The following ZDHHC19 variants were observed in gnomAD, a reference collection of about 807,000 sequenced individuals.
ZDHHC19 encodes zDHHC palmitoyltransferase 19.
A neutral mutation model predicts 33.9 loss-of-function variants in ZDHHC19; 30 were observed. The ratio of observed to expected loss-of-function variants is 0.88; its 90% CI spans 0.66 to 1.20. The LOEUF (loss-of-function observed/expected upper bound fraction) is 1.20, where lower values mean the gene tolerates loss of function less well. Among genes scored for constraint, ZDHHC19 ranks in the 50% most tolerant of loss-of-function variants. ZDHHC19 has a pLI of 0.00. For missense variants in ZDHHC19, 364 were observed against 401.1 expected, an observed-to-expected ratio of 0.91 and a Z score of 0.79; for synonymous variants, 178 against 167.6, an observed-to-expected ratio of 1.06 and a Z score of -0.48.
chr3:196,206,871 T>C (rs1722776440), intron 5 of ZDHHC19, among the ~76,000 whole-genome samples: 1 of 151,992 alleles, frequency 6.6e-6, no homozygotes, highest in Non-Finnish European at 1.5e-5. Context: ...GTTAGAATTG[T>C]TTCCTCTCCA....
In ZDHHC19 at chr3:196,200,502, T is replaced by A. The variant is rs375716559; in HGVS notation, c.688-1628A>T. Among the ~76,000 whole-genome samples, 33 of 148,632 alleles carry A rather than the reference T, an allele frequency of 2.2e-4. No homozygotes were observed. In the South Asian group the frequency reaches 6.6e-3, roughly 30 times the overall value. On this transcript the variant is annotated intron_variant, in intron 5 of 7. Coordinates refer to ENST00000296326, the MANE Select transcript of ZDHHC19 (RefSeq NM_001039617.2). ...CCCAAGTAGCTGGGATTACAGGTGCTCGCCACCACGCCCAGCTAATTTTTT... is the reference window on the plus strand; with the variant it reads ...CCCAAGTAGCTGGGATTACAGGTGCACGCCACCACGCCCAGCTAATTTTTT...
intron 4 of ZDHHC19, among the ~76,000 whole-genome samples, 188 bp downstream of exon 4, chr3:196,208,200 G>T (rs866350103): frequency 1.3e-5 from 2 of 151,962 alleles, no homozygotes; most frequent in South Asian, 2.1e-4. Flanking sequence ...CGCCGGCCCG[G>T]GGGAGGCTTA....
chr3:196,198,166 T>C (rs942418218), intron 7 of ZDHHC19, 110 bp downstream of exon 7: 1 of 1,123,308 alleles, frequency 8.9e-7, no homozygotes, highest in Admixed American at 3.6e-5. Context: ...CTCGGAGCGC[T>C]CCAGCTTCAG....
rs4311243 is a variant in ZDHHC19 at position 196,203,129 on chromosome 3, C to T, written c.688-4255G>A. On this transcript the variant is annotated intron_variant, in intron 5 of 7. Coordinates refer to ENST00000296326, the MANE Select transcript of ZDHHC19 (RefSeq NM_001039617.2). This position sits in a 1 kb window ranked among gnomAD's most constrained non-coding sequence, Gnocchi z 4.3. ...ACAAAAAATCAGGTGGGCATGGTGA[C>T]GTGCACCTGTAATTCCAGCTACTCG... 4.6e-5 allele frequency among the ~76,000 whole-genome samples: 7 copies of T among 151,956 alleles called. No homozygotes were observed. Among genetic ancestry groups the T allele is most frequent in the Admixed American group, 3.3e-4 (5 of 15,242 alleles).
rs758044372 is a variant in ZDHHC19 at position 196,198,498 on chromosome 3, C to T, written c.774-47G>A. ...GCAGGGGCCACCGTCCTCCCTGGTC[C>T]GGCTCCCCTGCCCGCCTCAGCTTGG... On this transcript the variant is annotated intron_variant, in intron 6 of 7. Coordinates refer to ENST00000296326, the MANE Select transcript of ZDHHC19 (RefSeq NM_001039617.2). The T allele has an allele frequency of 3.2e-5, 51 of 1,596,442 alleles. No homozygotes were observed. The South Asian group carries it at 3.3e-4, about 10-fold the overall frequency.
chr3:196,200,067 A>C (rs1365553744), intron 5 of ZDHHC19, among the ~76,000 whole-genome samples: 2 of 151,514 alleles, frequency 1.3e-5, no homozygotes, highest in Non-Finnish European at 2.9e-5. Flanking sequence ...AGAAGGGAGG[A>C]TCTCTTGACC....
rs1487273751 is a variant in ZDHHC19 at position 196,211,273 on chromosome 3, G to A, written c.43C>T (p.His15Tyr). ...TDATPLVKEPHPLPLVPRPWF... is the reference protein window; with the variant it reads ...TDATPLVKEPYPLPLVPRPWF... ...GGACGTGGGACCAGAGGCAGGGGAT[G>A]GGGCTCCTTCACCAGCGGCGTGGCA... The change falls in exon 1 of 8, where the codon CAT (histidine) becomes TAT (tyrosine). Residue 15 changes from histidine to tyrosine, a missense_variant. Physicochemically the swap from His to Tyr is moderately conservative, Grantham distance 83 (BLOSUM62 2). Transcript: ENST00000296326. The A allele has an allele frequency of 3.1e-6, 5 of 1,613,992 alleles. No individual in the cohort carries two copies. Among genetic ancestry groups the A allele is most frequent in the African/African-American group, 1.3e-5 (1 of 74,944 alleles).
chr3:196,207,383 C>T lies in ZDHHC19; in HGVS notation c.687+15G>A. The T allele has an allele frequency of 6.5e-7, 1 of 1,549,310 alleles. No homozygotes were observed. The highest frequency in any genetic ancestry group is 8.7e-7 in the Non-Finnish European group (1 of 1,146,412). On this transcript the variant is annotated intron_variant, in intron 5 of 7. Transcript: ENST00000296326. ...GTCCCCGAGGTGCAAGCTGACCACC[C>T]GCGGCCCCGCGTACCTTGCCCTTGT...
intron 4 of ZDHHC19, 137 bp downstream of exon 4, chr3:196,208,251 C>A (rs1241789220): frequency 1.7e-6 from 1 of 604,956 alleles, no homozygotes; most frequent in Non-Finnish European, 2.4e-6. Context: ...TCCCCCGACC[C>A]CGCCCACCTC....
intron 2 of ZDHHC19, among the ~76,000 whole-genome samples, 176 bp downstream of exon 2, chr3:196,210,440 G>T (rs13096136): frequency 6.6e-5 from 9 of 137,162 alleles, no homozygotes; most frequent in East Asian, 6.1e-4. Flanking sequence ...GAAAGAGAAA[G>T]AAAGAAAGAA....
At chr3:196,208,338 C>T (rs1560139611) in intron 4 of ZDHHC19, 50 bp downstream of exon 4, 11 of 1,600,518 alleles carry the variant, frequency 6.9e-6, no homozygotes, top group Non-Finnish European at 9.4e-6. Flanking sequence ...CTGCAGCCCC[C>T]TCCTTGGCTG....
intron 5 of ZDHHC19, among the ~76,000 whole-genome samples, chr3:196,199,812 G>T (rs564190981): frequency 5.9e-5 from 9 of 151,370 alleles, no homozygotes; most frequent in African/African-American, 2.2e-4. Context: ...AGGCGTGGTG[G>T]CGGGTGCCTG....
At chr3:196,199,743 A>C (rs149468329) in intron 5 of ZDHHC19, 1 of 153,292 alleles carries the variant, frequency 6.5e-6, no homozygotes, top group African/African-American at 2.4e-5. Flanking sequence ...CAGGAGTTTG[A>C]GACCAGCCTG....
At chr3:196,207,642 TGGCCCCGCCCC>T (rs1722860700) in intron 4 of ZDHHC19, 139 bp from the exon 5 acceptor site, 1 of 33,898 alleles carries the variant, frequency 3.0e-5, no homozygotes, top group East Asian at 5.1e-4. Context: ...GCCCCGCCCC[TGGCCCCGCCCC>T]CAGGCCCGAC....
intron 5 of ZDHHC19, among the ~76,000 whole-genome samples, chr3:196,206,955 C>T (rs1231164435): frequency 6.6e-6 from 1 of 152,124 alleles, no homozygotes; most frequent in Non-Finnish European, 1.5e-5. Context: ...GCAATGCCCT[C>T]CTCTCCGTCT....
Position 196,198,844 on chromosome 3 carries a change from C to G in ZDHHC19, c.718G>C (p.Asp240His), listed in dbSNP as rs752331988. ...CRHLQGYNPFDQGCASNWYLT... is the reference protein window; with the variant it reads ...CRHLQGYNPFHQGCASNWYLT... Reference sequence around the variant, plus strand: ...TACCAGTTGCTGGCACAGCCCTGGTCGAAGGGGTTGTATCCCTGAAGGTGT... The same window carrying G: ...TACCAGTTGCTGGCACAGCCCTGGTGGAAGGGGTTGTATCCCTGAAGGTGT... Residue 240 changes from aspartate (D) to histidine (H), a missense_variant, in exon 6 of 8, where the codon GAC becomes CAC. Physicochemically the swap from Asp to His is moderately conservative, Grantham distance 81. Coordinates refer to ENST00000296326, the MANE Select transcript of ZDHHC19 (RefSeq NM_001039617.2). 6.2e-7 allele frequency: 1 copy of G among 1,614,014 alleles called. No individual in the cohort carries two copies.
rs776247544 is a variant in ZDHHC19 at position 196,208,417 on chromosome 3, G to A, written c.552C>T (p.His184=). ...TCLIFLVRTT[H]LPFSTDKAIA... is the part of the protein sequence containing the mutation. ...TGGCCTTGTCGGTGGAGAAGGGCAG[G>A]TGGGTTGTGCGCACCAGGAAGATGA... The change falls in exon 4 of 8, where the codon CAC becomes CAT. Residue 184 remains histidine (H), a synonymous_variant. Coordinates refer to ENST00000296326, the MANE Select transcript of ZDHHC19 (RefSeq NM_001039617.2). 2 of 1,614,142 alleles carry A rather than the reference G, an allele frequency of 1.2e-6. No homozygotes were observed. The highest frequency in any genetic ancestry group is 1.1e-5 in the South Asian group (1 of 91,078).
At chr3:196,205,971 T>C (rs961414790) in intron 5 of ZDHHC19, among the ~76,000 whole-genome samples, 3 of 148,202 alleles carry the variant, frequency 2.0e-5, no homozygotes, top group Non-Finnish European at 4.5e-5. Flanking sequence ...TCCAATAAAC[T>C]TGGCTTTTAA....
chr3:196,211,337 A>T lies in ZDHHC19; in HGVS notation c.-22T>A, dbSNP rs1194577576. ...TCATGGCTGGGCCTCCTTCGCCTCC[A>T]GGGGAGGTCAGAGCCACCAGGCTTC... On this transcript the variant is annotated 5_prime_UTR_variant, in exon 1 of 8. Coordinates refer to ENST00000296326, the MANE Select transcript of ZDHHC19 (RefSeq NM_001039617.2). 6.3e-7 allele frequency: 1 copy of T among 1,585,234 alleles called. No homozygotes were observed. The highest frequency in any genetic ancestry group is 1.8e-5 in the Admixed American group (1 of 57,130).
Sources: allele counts gnomAD v4.1 joint callset (sites outside exome capture counted in the v4.1 genomes callset), GRCh38; gene constraint gnomAD v4.1.1; non-coding constraint Gnocchi (gnomAD v3.1); transcripts MANE v1.5; gene names NCBI Gene and HGNC (gene_info 2026-07-23, HGNC 2026-07-21).